TMEM217: variants seen among roughly 807,000 people sequenced by gnomAD.
TMEM217 encodes the protein transmembrane protein 217, also known as chromosome 6 open reading frame 128.
For synonymous variants in TMEM217, 76 were observed against 88.3 expected, an observed-to-expected ratio of 0.86 and a Z score of 0.78; for missense variants, 204 against 248.8, an observed-to-expected ratio of 0.82 and a Z score of 1.21.
rs367595189 is a variant in TMEM217 at position 37,244,248 on chromosome 6, G to C, written c.-12+13320C>G. Among the ~76,000 whole-genome samples the C allele has an allele frequency of 2.0e-5, 3 of 152,372 alleles. No individual in the cohort carries two copies. The South Asian group carries it at 6.2e-4, about 32-fold the overall frequency. ...TTGGCTTATGCATAGGAATGAACAA[G>C]GAGAATCTGGAGGTTAGAAGCAAGA... On this transcript the variant is annotated intron_variant, in intron 1 of 1. Transcript: ENST00000357219.
intron 1 of TMEM217, among the ~76,000 whole-genome samples, chr6:37,255,026 C>A (rs913904489): frequency 6.6e-6 from 1 of 152,112 alleles, no homozygotes; most frequent in East Asian, 1.9e-4. Context: ...TGACAGGAGG[C>A]GGAGCTCTGG....
chr6:37,215,166 C>A (rs369357258), downstream of TMEM217: 2 of 1,608,316 alleles, frequency 1.2e-6, no homozygotes, highest in East Asian at 4.5e-5. Context: ...TAGCCAAGGT[C>A]CTCTGGTACA....
downstream of TMEM217, chr6:37,215,235 GC>G (rs1430634517): frequency 1.2e-6 from 2 of 1,613,860 alleles, no homozygotes; most frequent in Non-Finnish European, 1.7e-6. Flanking sequence ...GGTGCTGGGG[GC>G]TGAGCTTGGC....
intron 1 of TMEM217, among the ~76,000 whole-genome samples, chr6:37,220,416 G>C (rs1763439159): frequency 6.6e-6 from 1 of 152,138 alleles, no homozygotes; most frequent in Admixed American, 6.6e-5. Context: ...TACGATTAGG[G>C]GAAAGGTGAA....
At chr6:37,222,274 C>A (rs1047236993) in intron 1 of TMEM217, among the ~76,000 whole-genome samples, 4 of 152,218 alleles carry the variant, frequency 2.6e-5, no homozygotes, top group Admixed American at 2.0e-4. Context: ...TGAGGACCCG[C>A]CCCCTTCCAC....
chr6:37,227,688 C>G (rs938306425), intron 1 of TMEM217, among the ~76,000 whole-genome samples: 1 of 152,046 alleles, frequency 6.6e-6, no homozygotes, highest in Admixed American at 6.6e-5. Flanking sequence ...TCGTGATCCA[C>G]CCGCCTCAGC....
intron 1 of TMEM217, among the ~76,000 whole-genome samples, chr6:37,225,109 A>G (rs1169056386): frequency 6.6e-6 from 1 of 152,040 alleles, no homozygotes; most frequent in Admixed American, 6.6e-5. Context: ...CTGAGGTATG[A>G]GAATCACTTG....
At chr6:37,221,740 T>G (rs1216215234) in intron 1 of TMEM217, among the ~76,000 whole-genome samples, 2 of 152,230 alleles carry the variant, frequency 1.3e-5, no homozygotes, top group Non-Finnish European at 2.9e-5. Flanking sequence ...GTTCTTGTTC[T>G]GTGTCCAAGA....
chr6:37,217,940 CT>C, exon 2 of TMEM217: 2 of 986,886 alleles, frequency 2.0e-6, no homozygotes, highest in Non-Finnish European at 2.4e-6. Flanking sequence ...TCACAATATC[CT>C]TTAACTAAAT....
At chr6:37,223,117 A>AGGAGAAG (rs1763633141) in intron 1 of TMEM217, among the ~76,000 whole-genome samples, 1 of 152,088 alleles carries the variant, frequency 6.6e-6, no homozygotes, top group Admixed American at 6.6e-5. Flanking sequence ...GAAAATATGA[A>AGGAGAAG]GGAGAAGTTA....
exon 2 of TMEM217, chr6:37,218,437 A>C (rs1353193233): frequency 6.2e-7 from 1 of 1,607,120 alleles, no homozygotes; most frequent in East Asian, 2.2e-5. Flanking sequence ...TCTGCCTCTC[A>C]AAGTACTGGG....
intron 1 of TMEM217, among the ~76,000 whole-genome samples, chr6:37,231,900 C>A (rs1346828161): frequency 6.6e-6 from 1 of 151,384 alleles, no homozygotes; most frequent in Non-Finnish European, 1.5e-5. Flanking sequence ...GTCTTCCTGA[C>A]TGTGTGGCTA....
chr6:37,246,601 A>G (rs1199602920), intron 1 of TMEM217, among the ~76,000 whole-genome samples: 1 of 152,110 alleles, frequency 6.6e-6, no homozygotes, highest in Non-Finnish European at 1.5e-5. Flanking sequence ...ACAATTGCCA[A>G]ATTAAATAGA....
intron 1 of TMEM217, among the ~76,000 whole-genome samples, chr6:37,229,041 G>A (rs938395446): frequency 1.3e-5 from 2 of 151,530 alleles, no homozygotes; most frequent in Admixed American, 1.3e-4. Context: ...TAATAATAAC[G>A]AACATTTAAT....
downstream of TMEM217, among the ~76,000 whole-genome samples, chr6:37,216,268 G>A (rs1229509536): frequency 5.3e-5 from 8 of 151,952 alleles, no homozygotes; most frequent in Non-Finnish European, 7.4e-5. Flanking sequence ...TAGTAGAGAA[G>A]GGGTCTCACC....
At chr6:37,242,070 C>T (rs75597852) in intron 1 of TMEM217, among the ~76,000 whole-genome samples, 2,840 of 151,514 alleles carry the variant, frequency 0.019, 36 homozygotes, top group Non-Finnish European at 0.029. Context: ...CATAGAACCC[C>T]CTGAGTTCAC....
rs548318799 is a variant in TMEM217 at position 37,234,207 on chromosome 6, C to T, written c.-11-15166G>A. Among the ~76,000 whole-genome samples the T allele has an allele frequency of 2.1e-4, 31 of 150,172 alleles. No individual in the cohort carries two copies. The East Asian group carries it at 5.5e-3, about 27-fold the overall frequency. ...CTCTGTCTCCCAGATTTGAATGATT[C>T]TCCTGCCTCAGCCTCCCAAGTAGCT... On this transcript the variant is annotated intron_variant, in intron 1 of 1. Coordinates refer to ENST00000357219, the Ensembl canonical transcript of TMEM217.
chr6:37,218,757 T>C (rs1407121431), exon 2 of TMEM217: 3 of 1,614,016 alleles, frequency 1.9e-6, no homozygotes, highest in African/African-American at 2.7e-5. Flanking sequence ...ACCAGGCCCC[T>C]GAAGATCTGG....
In TMEM217 at chr6:37,219,654, C is replaced by T. The variant is rs143551743; in HGVS notation, c.-11-613G>A. ...GGCTGAAGTAGGAGGATCACTTGAG[C>T]CCAGGAAGTCAAGGCTGCAGTGAGC... On this transcript the variant is annotated intron_variant, in intron 1 of 1. Transcript: ENST00000357219. 4.6e-5 allele frequency among the ~76,000 whole-genome samples: 7 copies of T among 152,186 alleles called. No homozygotes were observed. In the East Asian group the frequency reaches 7.7e-4, roughly 17 times the overall value.
Sources: gnomAD v4.1 joint callset for allele counts (sites outside exome capture counted in the v4.1 genomes callset) on GRCh38, gnomAD v4.1.1 for gene constraint, MANE v1.5 for transcripts, NCBI Gene and HGNC (gene_info 2026-07-23, HGNC 2026-07-21) for gene names.